DIAPH3: variants seen among roughly 807,000 people sequenced by gnomAD.
DIAPH3 encodes protein diaphanous homolog 3.
In DIAPH3, 117 loss-of-function variants were observed where a neutral mutation model predicts 144.3. The observed-to-expected ratio is 0.81, with a 90% CI of 0.70 to 0.95. The LOEUF (loss-of-function observed/expected upper bound fraction) is 0.95. Ranked by LOEUF, DIAPH3 falls within the 40% of genes least tolerant of loss-of-function variation. DIAPH3 has a pLI of 0.00. For missense variants in DIAPH3, 1,421 were observed against 1,412.7 expected, an observed-to-expected ratio of 1.01 and a Z score of -0.09; for synonymous variants, 519 against 488.9, an observed-to-expected ratio of 1.06 and a Z score of -0.81.
intron 24 of DIAPH3, among the ~76,000 whole-genome samples, chr13:59,829,718 A>T (rs1387325431): frequency 6.6e-6 from 1 of 151,910 alleles, no homozygotes; most frequent in Non-Finnish European, 1.5e-5. Flanking sequence ...TAAAGGAAGA[A>T]ATGTCTGAAC....
chr13:59,795,688 C>T (rs768041908), intron 25 of DIAPH3, among the ~76,000 whole-genome samples: 7 of 151,898 alleles, frequency 4.6e-5, no homozygotes, highest in African/African-American at 7.3e-5. Flanking sequence ...CTCCTGACCT[C>T]GTGATCCACC....
At chr13:60,025,740 G>A (rs747845294) in intron 5 of DIAPH3, among the ~76,000 whole-genome samples, 2 of 152,010 alleles carry the variant, frequency 1.3e-5, no homozygotes, top group Non-Finnish European at 2.9e-5. Context: ...AACAGAAAAG[G>A]GGTAGTAAGA....
chr13:60,088,919 G>A (rs1251750633), intron 4 of DIAPH3, among the ~76,000 whole-genome samples: 3 of 152,136 alleles, frequency 2.0e-5, no homozygotes, highest in Non-Finnish European at 4.4e-5. Flanking sequence ...ACCAAGCGCA[G>A]CCATATATTT....
intron 9 of DIAPH3, among the ~76,000 whole-genome samples, chr13:59,997,900 CA>C (rs1173989948): frequency 4.2e-4 from 64 of 152,116 alleles, no homozygotes; most frequent in Non-Finnish European, 5.6e-4. Flanking sequence ...AGATTGAAAA[CA>C]AGAACCAGTA....
At chr13:60,078,620 A>G (rs2057451332) in intron 4 of DIAPH3, among the ~76,000 whole-genome samples, 1 of 152,052 alleles carries the variant, frequency 6.6e-6, no homozygotes. Context: ...AATCTAACAT[A>G]CCTAAAATAT....
chr13:60,029,960 T>C (rs2054665874), intron 5 of DIAPH3, among the ~76,000 whole-genome samples: 1 of 152,094 alleles, frequency 6.6e-6, no homozygotes, highest in African/African-American at 2.4e-5. Context: ...GCCTTTTGGA[T>C]TCCACCATCC....
At chr13:60,100,113 T>C (rs2058229187) in intron 3 of DIAPH3, among the ~76,000 whole-genome samples, 1 of 152,162 alleles carries the variant, frequency 6.6e-6, no homozygotes, top group Non-Finnish European at 1.5e-5. Flanking sequence ...TGTGCAGATA[T>C]CCTTTTTCTC....
At chr13:59,806,473 T>C (rs1165129408) in intron 25 of DIAPH3, among the ~76,000 whole-genome samples, 1 of 152,052 alleles carries the variant, frequency 6.6e-6, no homozygotes, top group East Asian at 1.9e-4. Context: ...AGGATTTTTA[T>C]TAAACAATAT....
At chr13:59,989,811 T>C (rs967849926) in intron 12 of DIAPH3, among the ~76,000 whole-genome samples, 6 of 151,902 alleles carry the variant, frequency 3.9e-5, no homozygotes, top group Non-Finnish European at 7.4e-5. Context: ...GTCATAAGTA[T>C]GATAAAACCC....
At chr13:59,997,946 A>C (rs1203748037) in intron 9 of DIAPH3, among the ~76,000 whole-genome samples, 1 of 152,094 alleles carries the variant, frequency 6.6e-6, no homozygotes, top group Non-Finnish European at 1.5e-5. Context: ...AGAGGCTGCA[A>C]AAGCTTATTA....
chr13:59,845,984 A>G (rs1345332027), intron 22 of DIAPH3, among the ~76,000 whole-genome samples: 8 of 152,176 alleles, frequency 5.3e-5, no homozygotes, highest in African/African-American at 1.7e-4. Flanking sequence ...TAAAAATGAA[A>G]CAGGAAAATA....
At chr13:59,929,849 G>A (rs1209899246) in intron 17 of DIAPH3, among the ~76,000 whole-genome samples, 1 of 151,992 alleles carries the variant, frequency 6.6e-6, no homozygotes. Context: ...GGGATTACAG[G>A]TGTGAGCCAC....
chr13:60,083,105 T>C (rs958060557), intron 4 of DIAPH3, among the ~76,000 whole-genome samples: 2 of 151,992 alleles, frequency 1.3e-5, no homozygotes, highest in African/African-American at 4.8e-5. Flanking sequence ...CTAAATATTC[T>C]AGAGGAGGAG....
chr13:59,692,514 T>C (rs2033586921), intron 27 of DIAPH3, among the ~76,000 whole-genome samples: 2 of 151,434 alleles, frequency 1.3e-5, no homozygotes, highest in African/African-American at 4.8e-5. Flanking sequence ...TAAAGAATGC[T>C]GAAGCCCAGC....
intron 27 of DIAPH3, among the ~76,000 whole-genome samples, chr13:59,749,369 A>T (rs1397757390): frequency 6.7e-6 from 1 of 150,052 alleles, no homozygotes; most frequent in African/African-American, 2.5e-5. Flanking sequence ...AAATACAAAA[A>T]ATTAGCCAGG....
intron 27 of DIAPH3, among the ~76,000 whole-genome samples, chr13:59,753,566 C>T (rs1284573748): frequency 6.6e-6 from 1 of 152,128 alleles, no homozygotes; most frequent in African/African-American, 2.4e-5. Flanking sequence ...CTGGTATTTT[C>T]TGAGTAATAT....
At chr13:59,704,696 A>T (rs1177237750) in intron 27 of DIAPH3, among the ~76,000 whole-genome samples, 1 of 152,216 alleles carries the variant, frequency 6.6e-6, no homozygotes, top group Non-Finnish European at 1.5e-5. Flanking sequence ...TCAGCATAGT[A>T]ACATGTTGTG....
intron 3 of DIAPH3, among the ~76,000 whole-genome samples, chr13:60,104,959 G>C (rs574159428): frequency 2.0e-5 from 3 of 151,994 alleles, no homozygotes; most frequent in South Asian, 4.2e-4. Flanking sequence ...AGCTGGGAGT[G>C]GTGGCGGGCA....
chr13:59,894,895 T>G (rs1422473578), intron 20 of DIAPH3, among the ~76,000 whole-genome samples: 2 of 151,892 alleles, frequency 1.3e-5, no homozygotes, highest in African/African-American at 4.8e-5. Context: ...TAAAATAGGG[T>G]AGAAAGACTC....
Sources: gnomAD v4.1 joint callset for allele counts (sites outside exome capture counted in the v4.1 genomes callset) on GRCh38, gnomAD v4.1.1 for gene constraint, MANE v1.5 for transcripts, NCBI Gene and HGNC (gene_info 2026-07-23, HGNC 2026-07-21) for gene names.